Variants in TARP observed in about 807,000 individuals in gnomAD.
chr7:38,270,514 G>T, the TARP span, among the ~76,000 whole-genome samples: 162 of 151,586 alleles, frequency 1.1e-3, no homozygotes, highest in African/African-American at 3.7e-3. Context: ...AAACAAGTGA[G>T]CCTTTTTCTA....
chr7:38,270,256 A>G, the TARP span, among the ~76,000 whole-genome samples: 2 of 151,962 alleles, frequency 1.3e-5, no homozygotes, highest in African/African-American at 4.8e-5. Context: ...AGCATTTTGG[A>G]GTGGCAGTTA....
At chr7:38,261,997 C>A in the TARP span, among the ~76,000 whole-genome samples, 1 of 151,478 alleles carries the variant, frequency 6.6e-6, no homozygotes, top group Non-Finnish European at 1.5e-5. Flanking sequence ...ATCTCATACC[C>A]CAAAGCAGTA....
the TARP span, among the ~76,000 whole-genome samples, chr7:38,260,762 A>G: frequency 6.6e-6 from 1 of 151,720 alleles, no homozygotes. Context: ...AATTCCAGAA[A>G]CATCAGTCCT....
At chr7:38,272,583 A>T in the TARP span, among the ~76,000 whole-genome samples, 1 of 147,706 alleles carries the variant, frequency 6.8e-6, no homozygotes, top group Non-Finnish European at 1.5e-5. Context: ...TGATAATGTG[A>T]TGAGGGTCAA....
the TARP span, among the ~76,000 whole-genome samples, chr7:38,270,132 T>TATG: frequency 1.8e-3 from 279 of 151,884 alleles, 1 homozygote; most frequent in Non-Finnish European, 3.3e-3. Context: ...TATAAGAGAT[T>TATG]ATGATGATGA....
chr7:38,262,214 G>A, the TARP span: 2 of 1,610,644 alleles, frequency 1.2e-6, no homozygotes, highest in African/African-American at 1.3e-5. Context: ...CCATTGTGAT[G>A]ACATCTAGAA....
At chr7:38,264,932 T>C in the TARP span, among the ~76,000 whole-genome samples, 1 of 151,592 alleles carries the variant, frequency 6.6e-6, no homozygotes, top group African/African-American at 2.4e-5. Flanking sequence ...GGTGAGTGAC[T>C]CTCCTGCTTG....
chr7:38,268,862 T>C, the TARP span, among the ~76,000 whole-genome samples: 2 of 151,282 alleles, frequency 1.3e-5, no homozygotes, highest in East Asian at 1.9e-4. Flanking sequence ...CAACTCTCCA[T>C]AGTAGATCCC....
the TARP span, among the ~76,000 whole-genome samples, chr7:38,270,453 A>T: frequency 1.3e-5 from 2 of 151,372 alleles, no homozygotes; most frequent in African/African-American, 4.9e-5. Flanking sequence ...ACATTGGCTA[A>T]AGTCTAATAT....
the TARP span, chr7:38,269,680 CA>C: frequency 1.8e-6 from 1 of 563,612 alleles, no homozygotes; most frequent in Admixed American, 3.3e-5. Flanking sequence ...CTCCACAAAT[CA>C]AATAACTTAA....
chr7:38,265,437 T>C, the TARP span: 1 of 1,611,676 alleles, frequency 6.2e-7, no homozygotes, highest in Non-Finnish European at 8.5e-7. Context: ...CTTTGTCCAG[T>C]GACTTTTCTG....
At chr7:38,263,835 C>A in the TARP span, among the ~76,000 whole-genome samples, 1 of 151,530 alleles carries the variant, frequency 6.6e-6, no homozygotes, top group African/African-American at 2.4e-5. Flanking sequence ...AAAACTTGGA[C>A]TTGAGGTATG....
chr7:38,270,206 A>G, the TARP span, among the ~76,000 whole-genome samples: 1 of 151,942 alleles, frequency 6.6e-6, no homozygotes, highest in Non-Finnish European at 1.5e-5. Context: ...TGACATTTTA[A>G]CCCTATAGGA....
chr7:38,269,481 C>T, the TARP span: 293 of 726,478 alleles, frequency 4.0e-4, no homozygotes, highest in African/African-American at 4.2e-4. Context: ...TGTATTCTTC[C>T]GATACTTACC....
chr7:38,268,443 G>T, the TARP span, among the ~76,000 whole-genome samples: 1 of 151,268 alleles, frequency 6.6e-6, no homozygotes, highest in East Asian at 1.9e-4. Context: ...AATAGTTATA[G>T]CCATTTTATG....
At chr7:38,266,978 C>T in the TARP span, among the ~76,000 whole-genome samples, 3 of 151,714 alleles carry the variant, frequency 2.0e-5, no homozygotes, top group East Asian at 1.9e-4. Flanking sequence ...ACCAAAAGCA[C>T]ATTTTATTTT....
At chr7:38,271,898 G>T in the TARP span, among the ~76,000 whole-genome samples, 1 of 151,274 alleles carries the variant, frequency 6.6e-6, no homozygotes, top group Non-Finnish European at 1.5e-5. Flanking sequence ...AACTTTGAAA[G>T]TATGAACCAG....
chr7:38,264,473 C>T, the TARP span, among the ~76,000 whole-genome samples: 3,101 of 151,396 alleles, frequency 0.02, 271 homozygotes, highest in Admixed American at 0.14. Flanking sequence ...CGCCTGCAAT[C>T]CCAGCCTGTC....
the TARP span, among the ~76,000 whole-genome samples, chr7:38,264,742 C>A: frequency 3.3e-5 from 5 of 151,690 alleles, no homozygotes; most frequent in African/African-American, 9.7e-5. Context: ...AACACTTAAG[C>A]ACAGTGGTAA....
Sources: gnomAD v4.1 joint callset for allele counts (sites outside exome capture counted in the v4.1 genomes callset) on GRCh38, gnomAD v4.1.1 for gene constraint, MANE v1.5 for transcripts.